RANBP17: variants seen among roughly 807,000 people sequenced by gnomAD.
RANBP17 encodes RAN binding protein 17, also known as ran-binding protein 17.
RANBP17 carries 158 observed loss-of-function variants against 141.2 expected under a neutral mutation model. That is an observed-to-expected ratio of 1.12 (90% CI 0.98 to 1.28). RANBP17 has a LOEUF of 1.28. Among genes scored for constraint, RANBP17 ranks in the 50% most tolerant of loss-of-function variants. The pLI, the probability that RANBP17 is intolerant of heterozygous loss-of-function variation, is 0.00. For missense variants in RANBP17, 1,438 were observed against 1,290.7 expected, an observed-to-expected ratio of 1.11 and a Z score of -1.75; for synonymous variants, 430 against 450.0, an observed-to-expected ratio of 0.96 and a Z score of 0.56.
rs1768727316 is a variant in RANBP17, at chr5:170,881,880, G to GC, written c.241dup (p.Gln81ProfsTer33). On this transcript the variant is annotated frameshift_variant, in exon 3 of 28. Coordinates refer to ENST00000523189, the MANE Select transcript of RANBP17 (RefSeq NM_022897.5). LOFTEE classifies it high-confidence loss of function. ...GCCGAGTCAGTCCTTTACCTGTTGA[G>GC]CAGAGGATGGACATCAGTAAGTGGC... The GC allele has an allele frequency of 6.2e-7, 1 of 1,603,930 alleles. No homozygotes were observed. Among genetic ancestry groups the GC allele is most frequent in the African/African-American group, 1.3e-5 (1 of 74,520 alleles).
At chr5:171,141,432 TAA>T (rs760388998) in intron 14 of RANBP17, among the ~76,000 whole-genome samples, 7,284 of 130,164 alleles carry the variant, frequency 0.056, 227 homozygotes, top group East Asian at 0.17. Context: ...CCATCTCTAC[TAA>T]AAAAAAAAAA....
intron 14 of RANBP17, among the ~76,000 whole-genome samples, chr5:170,991,571 G>A (rs1182025292): frequency 6.6e-6 from 1 of 151,840 alleles, no homozygotes; most frequent in Non-Finnish European, 1.5e-5. Context: ...ATAAAGATGC[G>A]GGAAGCAGCT....
At chr5:170,904,051 CT>C (rs1013202779) in intron 5 of RANBP17, 1 of 466,522 alleles carries the variant, frequency 2.1e-6, no homozygotes, top group African/African-American at 2.0e-5. Context: ...CAGGCAGACC[CT>C]AAACATAGTC....
At chr5:170,956,021 C>T (rs1340655132) in intron 13 of RANBP17, among the ~76,000 whole-genome samples, 1 of 150,792 alleles carries the variant, frequency 6.6e-6, no homozygotes, top group East Asian at 1.9e-4. Context: ...TGAAAATATC[C>T]ACCTGTATTT....
chr5:170,930,990 T>A (rs1773324429), intron 12 of RANBP17, among the ~76,000 whole-genome samples: 1 of 152,204 alleles, frequency 6.6e-6, no homozygotes, highest in African/African-American at 2.4e-5. Flanking sequence ...TGCCACACTG[T>A]CTTCCACAAT....
intron 3 of RANBP17, among the ~76,000 whole-genome samples, chr5:170,892,054 A>T (rs1769666099): frequency 6.6e-6 from 1 of 152,298 alleles, no homozygotes; most frequent in East Asian, 1.9e-4. Flanking sequence ...TTTTTGTCAC[A>T]GCATGTCATT....
At chr5:171,242,945 T>C in intron 24 of RANBP17, 125 bp downstream of exon 24, 1 of 860,918 alleles carries the variant, frequency 1.2e-6, no homozygotes, top group Non-Finnish European at 1.8e-6. Context: ...ACTGAAAGAT[T>C]ATAATTATTA....
At chr5:171,122,144 G>A (rs939811720) in intron 14 of RANBP17, among the ~76,000 whole-genome samples, 4 of 152,204 alleles carry the variant, frequency 2.6e-5, no homozygotes, top group Admixed American at 6.5e-5. Context: ...ACAATAGAGT[G>A]CGGAGGTCAC....
chr5:171,252,746 T>C, intron 24 of RANBP17: 1 of 1,394,822 alleles, frequency 7.2e-7, no homozygotes, highest in Non-Finnish European at 1.0e-6. Context: ...TGTGGAAGAC[T>C]TATTTGTAGA....
chr5:171,183,091 A>G (rs1561739797), intron 16 of RANBP17, 76 bp from the exon 17 acceptor site: 3 of 763,652 alleles, frequency 3.9e-6, no homozygotes, highest in Non-Finnish European at 6.8e-6. Flanking sequence ...ATGCCACTAC[A>G]GTTCACTGTT....
At chr5:170,993,706 G>A (rs1026043737) in intron 14 of RANBP17, among the ~76,000 whole-genome samples, 2 of 151,976 alleles carry the variant, frequency 1.3e-5, no homozygotes, top group African/African-American at 4.8e-5. Context: ...TGATGATAAT[G>A]ATGACCATTG....
At chr5:171,189,779 T>A (rs1761504001) in intron 18 of RANBP17, among the ~76,000 whole-genome samples, 1 of 152,230 alleles carries the variant, frequency 6.6e-6, no homozygotes, top group African/African-American at 2.4e-5. Context: ...TTTTATTATT[T>A]GAAGCCTTGT....
chr5:171,210,813 T>C (rs1488647934), intron 20 of RANBP17, among the ~76,000 whole-genome samples: 1 of 151,824 alleles, frequency 6.6e-6, no homozygotes, highest in Non-Finnish European at 1.5e-5. Flanking sequence ...GAGACCATCC[T>C]GGCCAACATG....
intron 14 of RANBP17, among the ~76,000 whole-genome samples, chr5:171,079,039 C>T (rs1785106393): frequency 6.6e-6 from 1 of 152,186 alleles, no homozygotes; most frequent in Admixed American, 6.5e-5. Flanking sequence ...AAGGTTTCAC[C>T]ATTCTGGATA....
intron 13 of RANBP17, among the ~76,000 whole-genome samples, chr5:170,962,340 C>G (rs1006433255): frequency 1.3e-5 from 2 of 152,162 alleles, no homozygotes; most frequent in Non-Finnish European, 2.9e-5. Flanking sequence ...AGATCACCAG[C>G]TTAAAATGAG....
intron 5 of RANBP17, among the ~76,000 whole-genome samples, chr5:170,908,519 G>C (rs185502594): frequency 6.6e-5 from 10 of 151,144 alleles, no homozygotes; most frequent in African/African-American, 2.4e-4. Flanking sequence ...CTAGATAGGG[G>C]AGAGATAGAA....
chr5:171,142,466 G>A (rs781291216), intron 14 of RANBP17, among the ~76,000 whole-genome samples: 1 of 152,182 alleles, frequency 6.6e-6, no homozygotes, highest in Admixed American at 6.5e-5. Flanking sequence ...TGAACCAAGT[G>A]TTCTGCCCTA....
rs551815647 is a variant in RANBP17 at position 171,067,304 on chromosome 5, CATT to C, written c.1710+98937_1710+98939del. On this transcript the variant is annotated intron_variant, in intron 14 of 27. Coordinates refer to ENST00000523189, the MANE Select transcript of RANBP17 (RefSeq NM_022897.5). Reference sequence around the variant, plus strand: ...ATCTAGCTCTGTCCCCTCCCCTTTGCATTATTATTATTGCCACAAATTACATCT... The same window carrying C: ...ATCTAGCTCTGTCCCCTCCCCTTTGCATTATTATTGCCACAAATTACATCT... Among the ~76,000 whole-genome samples, 1,126 of 152,218 alleles carry C rather than the reference CATT, an allele frequency of 7.4e-3. 8 individuals carry two copies. Among genetic ancestry groups the C allele is most frequent in the Non-Finnish European group, 0.013 (901 of 67,974 alleles).
chr5:171,051,041 A>G (rs1483864765), intron 14 of RANBP17, among the ~76,000 whole-genome samples: 1 of 152,152 alleles, frequency 6.6e-6, no homozygotes, highest in East Asian at 1.9e-4. Flanking sequence ...TAAAAATTCC[A>G]TGTTCATTTG....
Sources: allele counts gnomAD v4.1 joint callset (sites outside exome capture counted in the v4.1 genomes callset), GRCh38; gene constraint gnomAD v4.1.1; transcripts MANE v1.5; gene names NCBI Gene and HGNC (gene_info 2026-07-23, HGNC 2026-07-21).